The following PPP6C variants were observed in gnomAD, a reference collection of about 807,000 sequenced individuals.
The protein encoded by PPP6C is serine/threonine-protein phosphatase 6 catalytic subunit.
Under a neutral mutation model 39.8 loss-of-function variants are expected in PPP6C, and 11 were observed. The observed-to-expected ratio is 0.28, with a 90% CI of 0.17 to 0.46. The LOEUF is 0.46. Among genes scored for constraint, PPP6C ranks in the 20% least tolerant of loss-of-function variants. The pLI is 1.00. For missense variants in PPP6C, 211 were observed against 373.9 expected (o/e 0.56, Z 3.59); for synonymous variants, 129 against 130.3 (o/e 0.99, Z 0.07).
At chr9:125,162,196 G>A (rs192372821) in intron 2 of PPP6C, among the ~76,000 whole-genome samples, 95 of 152,022 alleles carry the variant, frequency 6.2e-4, no homozygotes, top group African/African-American at 2.1e-3. Context: ...GGGAGCTCAC[G>A]CCTGTAATCC....
intron 2 of PPP6C, among the ~76,000 whole-genome samples, chr9:125,163,911 G>A (rs10986598): frequency 6.7e-6 from 1 of 148,428 alleles, no homozygotes; most frequent in African/African-American, 2.5e-5. Flanking sequence ...GCAATGGCAC[G>A]ATCTCAGCTC....
At chr9:125,174,759 A>G (rs1829259133) in intron 1 of PPP6C, among the ~76,000 whole-genome samples, 1 of 151,698 alleles carries the variant, frequency 6.6e-6, no homozygotes, top group Admixed American at 6.6e-5. Flanking sequence ...AAAAATACAA[A>G]AATAAGCTGG....
At chr9:125,183,226 C>T (rs1030472740) in intron 1 of PPP6C, among the ~76,000 whole-genome samples, 3 of 152,140 alleles carry the variant, frequency 2.0e-5, no homozygotes, top group African/African-American at 4.8e-5. Context: ...CTCATATCAC[C>T]GGGCCTACTG....
intron 1 of PPP6C, among the ~76,000 whole-genome samples, chr9:125,178,991 G>C (rs1829365118): frequency 6.6e-6 from 1 of 152,150 alleles, no homozygotes; most frequent in African/African-American, 2.4e-5. Context: ...GAGGAGGTCA[G>C]ATCACCTGAG....
At chr9:125,151,674 A>C (rs539030747) in intron 6 of PPP6C, 5 of 524,834 alleles carry the variant, frequency 9.5e-6, no homozygotes, top group Non-Finnish European at 1.8e-5. Context: ...AATTCAGCAG[A>C]AGACCCAGCT....
At chr9:125,159,331 G>A (rs1335060429) in intron 3 of PPP6C, among the ~76,000 whole-genome samples, 1 of 151,188 alleles carries the variant, frequency 6.6e-6, no homozygotes, top group African/African-American at 2.4e-5. Context: ...TTACAGGCGT[G>A]AGCCACTGCG....
chr9:125,162,115 A>G (rs1037175514), intron 2 of PPP6C, among the ~76,000 whole-genome samples: 14 of 152,014 alleles, frequency 9.2e-5, no homozygotes, highest in Non-Finnish European at 1.6e-4. Context: ...AACTTTAGGA[A>G]GCTTAATATA....
At chr9:125,167,404 T>TA (rs941809623) in intron 2 of PPP6C, among the ~76,000 whole-genome samples, 5 of 81,294 alleles carry the variant, frequency 6.2e-5, no homozygotes, top group Admixed American at 2.4e-4. Flanking sequence ...AAAAAAGAAA[T>TA]AAAAAAAAGG....
chr9:125,160,981 G>C (rs1828861574), intron 2 of PPP6C, 75 bp from the exon 3 acceptor site: 3 of 1,041,632 alleles, frequency 2.9e-6, no homozygotes, highest in Non-Finnish European at 4.2e-6. Flanking sequence ...AGAGTGAAAT[G>C]TGTAAAGAAG....
rs1161317128 is a variant in PPP6C, at chr9:125,148,403, T to G, written c.*1270A>C. On this transcript the variant is annotated 3_prime_UTR_variant, in exon 7 of 7. Transcript: ENST00000373547. The stretch of plus-strand genomic sequence containing the variant: ...TACTGGAATACTTGTCCTTATTAAG[T>G]GGACAGTTGCATATTCAGAACTGAT... 1.3e-5 allele frequency: 2 copies of G among 152,224 alleles called. No individual in the cohort carries two copies. Among genetic ancestry groups the G allele is most frequent in the Non-Finnish European group, 2.9e-5 (2 of 68,016 alleles). 9.4% of individuals were successfully genotyped at this position (152,224 alleles called of 1,614,324 possible).
chr9:125,153,575 G>A lies in PPP6C; in HGVS notation c.627C>T (p.Pro209=), dbSNP rs1836002098. Residue 209 remains proline, a synonymous_variant, in exon 6 of 7, where the codon CCC becomes CCT. Transcript: ENST00000373547. ...CTCCAAAAAGCCAACCTGCTCCTCGGGGACTGATAGCCCAGGTATCCACAT... is the reference window on the plus strand; with the variant it reads ...CTCCAAAAAGCCAACCTGCTCCTCGAGGACTGATAGCCCAGGTATCCACAT... ...PEDVDTWAIS[P]RGAGWLFGAK... is the part of the protein sequence containing the mutation. 1 of 1,614,026 alleles carries A rather than the reference G, an allele frequency of 6.2e-7. No homozygotes were observed. The highest frequency in any genetic ancestry group is 8.5e-7 in the Non-Finnish European group (1 of 1,180,002).
At position 125,148,219 on chromosome 9, in the gene PPP6C, G is replaced by T. The variant is rs1048251; in HGVS notation, c.*1454C>A. The stretch of plus-strand genomic sequence containing the variant: ...AGTTCTTATCCTGAAGGGGAAAAGT[G>T]GGTTTTCAAAACTACCTGAACAGAT... On this transcript the variant is annotated 3_prime_UTR_variant, in exon 7 of 7. Coordinates refer to ENST00000373547, the MANE Select transcript of PPP6C (RefSeq NM_002721.5). 68,180 of 154,398 alleles carry T rather than the reference G, an allele frequency of 0.44. 15,435 individuals carry two copies. The highest frequency in any genetic ancestry group is 0.53 in the East Asian group (2,745 of 5,182). The allele number at this position is 154,398 out of a possible 1,614,324, so 9.6% of individuals were successfully genotyped here.
chr9:125,154,362 T>C (rs569116920), intron 4 of PPP6C, among the ~76,000 whole-genome samples: 1 of 152,338 alleles, frequency 6.6e-6, no homozygotes, highest in African/African-American at 2.4e-5. Context: ...CTGTACTAAA[T>C]ATCATAAGGA....
At chr9:125,167,389 A>AAAAAAAAGAAAAAAAG (rs1829041962) in intron 2 of PPP6C, among the ~76,000 whole-genome samples, 1 of 138,056 alleles carries the variant, frequency 7.2e-6, no homozygotes, top group African/African-American at 2.7e-5. Context: ...CAAAAAAAAA[A>AAAAAAAAGAAAAAAAG]AAAAAAAAAA....
At chr9:125,162,742 C>G (rs1828912373) in intron 2 of PPP6C, among the ~76,000 whole-genome samples, 1 of 146,270 alleles carries the variant, frequency 6.8e-6, no homozygotes, top group Admixed American at 7.0e-5. Flanking sequence ...CGCCACTGCA[C>G]TCTAGCCTGG....
At chr9:125,152,846 T>A (rs1835984145) in intron 6 of PPP6C, among the ~76,000 whole-genome samples, 1 of 151,592 alleles carries the variant, frequency 6.6e-6, no homozygotes, top group Non-Finnish European at 1.5e-5. Flanking sequence ...AAAAAAAGAT[T>A]CATGTTATTG....
At chr9:125,149,949 C>G in intron 6 of PPP6C, 28 bp from the exon 7 acceptor site, 7 of 1,598,872 alleles carry the variant, frequency 4.4e-6, no homozygotes, top group Non-Finnish European at 6.0e-6. Flanking sequence ...ACTGTAAGTA[C>G]TTAGCACTTA....
At chr9:125,150,580 G>C in intron 6 of PPP6C, 1 of 705,312 alleles carries the variant, frequency 1.4e-6, no homozygotes, top group African/African-American at 1.8e-5. Flanking sequence ...TCTCTGGGCC[G>C]ACTTTGGTTG....
rs76595985 is a variant in PPP6C at position 125,184,988 on chromosome 9, A to C, written c.75+4656T>G. ...TCTCAAAAAAAAAAAAAAAAAAAAA[A>C]CCTCAGGTAAACATGTCACCCTTAA... is the stretch of plus-strand genomic sequence containing the variant. On this transcript the variant is annotated intron_variant, in intron 1 of 6. Coordinates refer to ENST00000373547, the MANE Select transcript of PPP6C (RefSeq NM_002721.5). 1.4e-3 allele frequency among the ~76,000 whole-genome samples: 208 copies of C among 144,740 alleles called. 1 individual carries two copies. The highest frequency in any genetic ancestry group is 5.1e-3 in the African/African-American group (201 of 39,588). 95.0% of individuals were successfully genotyped at this position (144,740 alleles called of 152,430 possible). A position where few individuals can be genotyped will look rare whatever the true frequency, so the allele number is the denominator to read the frequency against.
Sources: allele counts gnomAD v4.1 joint callset (sites outside exome capture counted in the v4.1 genomes callset), GRCh38; gene constraint gnomAD v4.1.1; transcripts MANE v1.5; gene names NCBI Gene and HGNC (gene_info 2026-07-23, HGNC 2026-07-21).